Variants in CACNA1C observed in about 807,000 individuals in gnomAD.
CACNA1C encodes voltage-dependent L-type calcium channel subunit alpha-1C.
A neutral mutation model predicts 229.0 loss-of-function variants in CACNA1C; 30 were observed. That is an observed-to-expected ratio of 0.13 (90% CI 0.10 to 0.18). CACNA1C has a LOEUF of 0.18. Ranked by LOEUF, CACNA1C falls within the 10% of genes least tolerant of loss-of-function variation. CACNA1C has a pLI of 1.00. For synonymous variants in CACNA1C, 1,114 were observed against 1,132.5 expected (o/e 0.98, Z 0.33); for missense variants, 1,658 against 2,845.0 (o/e 0.58, Z 9.49).
At chr12:2,120,471 G>A (rs1450569054) in intron 3 of CACNA1C, 41 bp downstream of exon 3, 1 of 1,084,178 alleles carries the variant, frequency 9.2e-7, no homozygotes, top group Non-Finnish European at 1.4e-6. Context: ...TTCACTCGAT[G>A]GAGAACTGCG....
chr12:2,303,912 T>C (rs1287956227), intron 3 of CACNA1C, among the ~76,000 whole-genome samples: 1 of 152,186 alleles, frequency 6.6e-6, no homozygotes, highest in African/African-American at 2.4e-5. Context: ...ACAGGTCTTG[T>C]TTGACTTTGC....
chr12:2,643,996 C>T (rs1441619343), intron 30 of CACNA1C, among the ~76,000 whole-genome samples: 2 of 152,322 alleles, frequency 1.3e-5, no homozygotes, highest in South Asian at 2.1e-4. Flanking sequence ...GGAGGGGGTA[C>T]TGGCTGGATG....
intron 3 of CACNA1C, among the ~76,000 whole-genome samples, chr12:2,437,971 G>C (rs1254387207): frequency 1.3e-5 from 2 of 150,410 alleles, no homozygotes; most frequent in African/African-American, 4.9e-5. Flanking sequence ...TGGGATGGTG[G>C]TGATAATGAT....
intron 1 of CACNA1C, among the ~76,000 whole-genome samples, chr12:2,061,426 T>C (rs1308687506): frequency 6.6e-6 from 1 of 152,234 alleles, no homozygotes; most frequent in Non-Finnish European, 1.5e-5. Flanking sequence ...GTCTGGCTGA[T>C]ACCAGAATAA....
At chr12:2,557,769 C>T (rs2045248758) in intron 11 of CACNA1C, among the ~76,000 whole-genome samples, 1 of 152,226 alleles carries the variant, frequency 6.6e-6, no homozygotes, top group Non-Finnish European at 1.5e-5. Flanking sequence ...GCCTCTGTCA[C>T]AGCACTCAGC....
At chr12:2,449,177 G>C (rs2099329238) in intron 4 of CACNA1C, 62 bp downstream of exon 4, 4 of 1,309,358 alleles carry the variant, frequency 3.1e-6, no homozygotes, top group Non-Finnish European at 4.1e-6. Context: ...TTTTCCTTAA[G>C]TCAGCTGAAG....
intron 20 of CACNA1C, among the ~76,000 whole-genome samples, chr12:2,596,607 TG>T (rs1306953609): frequency 6.6e-6 from 1 of 152,218 alleles, no homozygotes; most frequent in Non-Finnish European, 1.5e-5. Flanking sequence ...GGGGCCTGCT[TG>T]GTCCAGGGCT....
Position 2,152,909 on chromosome 12 carries a change from A to G in CACNA1C, c.477+32479A>G, listed in dbSNP as rs1394063728. ...CCTACGGCCCTTTATATTGGATAAT[A>G]TTGGAACTGGATTCTCCTAGAGATT... On this transcript the variant is annotated intron_variant, in intron 3 of 46. Coordinates refer to ENST00000399655, the MANE Select transcript of CACNA1C (RefSeq NM_000719.7). This position sits in a 1 kb window ranked among gnomAD's most constrained non-coding sequence, Gnocchi z 4.2. 6.6e-6 allele frequency among the ~76,000 whole-genome samples: 1 copy of G among 152,142 alleles called. No individual in the cohort carries two copies. The highest frequency in any genetic ancestry group is 1.5e-5 in the Non-Finnish European group (1 of 68,038).
At chr12:2,359,613 G>A (rs965374415) in intron 3 of CACNA1C, among the ~76,000 whole-genome samples, 4 of 151,850 alleles carry the variant, frequency 2.6e-5, no homozygotes, top group Non-Finnish European at 4.4e-5. Context: ...ACAACTTGGG[G>A]ACTGGAGAGA....
intron 3 of CACNA1C, among the ~76,000 whole-genome samples, chr12:2,153,521 A>G (rs1209288802): frequency 6.6e-6 from 1 of 151,924 alleles, no homozygotes; most frequent in Non-Finnish European, 1.5e-5. Context: ...CTTTCTGTCT[A>G]TGAATTTGAC....
In CACNA1C at chr12:2,585,915, C is replaced by T. The variant is rs904481127; in HGVS notation, c.2530+11C>T. 1 of 1,549,208 alleles carries T rather than the reference C, an allele frequency of 6.5e-7. No individual in the cohort carries two copies. Among genetic ancestry groups the T allele is most frequent in the Non-Finnish European group, 8.8e-7 (1 of 1,136,294 alleles). On this transcript the variant is annotated intron_variant, in intron 18 of 46. Transcript: ENST00000399655. The surrounding 1 kb of genome is among the most constrained non-coding windows in gnomAD (Gnocchi z 4.1). Reference sequence around the variant, plus strand: ...ACCCAGAAACTACAGGTACCAGTCCCACTGCCTAACCTGGGATTGGGAGAT... The same window carrying T: ...ACCCAGAAACTACAGGTACCAGTCCTACTGCCTAACCTGGGATTGGGAGAT...
rs115537966 is a variant in CACNA1C, at chr12:2,021,400, C to T, written c.139+50199C>T. On this transcript the variant is annotated intron_variant, in intron 1 of 46. Transcript: ENST00000682462. ...AATTTATAAAGACACTCATTTTTGC[C>T]GGGCACTATGGCTCACACCTGTAAT... Among the ~76,000 whole-genome samples the T allele has an allele frequency of 4.5e-3, 690 of 152,028 alleles. 2 individuals carry two copies. Among genetic ancestry groups the T allele is most frequent in the African/African-American group, 0.016 (648 of 41,498 alleles).
chr12:2,633,854 T>A lies in CACNA1C; in HGVS notation c.3829-443T>A. The stretch of plus-strand genomic sequence containing the variant: ...GTTTTTACCCGCCTCCAGTCATGCC[T>A]TTTATTGAACCTGCCGTCGTCCTGT... On this transcript the variant is annotated intron_variant, in intron 29 of 46. Coordinates refer to ENST00000399655, the MANE Select transcript of CACNA1C (RefSeq NM_000719.7). This position sits in a 1 kb window ranked among gnomAD's most constrained non-coding sequence, Gnocchi z 5.8. 1 of 619,576 alleles carries A rather than the reference T, an allele frequency of 1.6e-6. No homozygotes were observed. The highest frequency in any genetic ancestry group is 2.9e-6 in the Non-Finnish European group (1 of 350,822). 38.4% of individuals were successfully genotyped at this position (619,576 alleles called of 1,614,324 possible).
At chr12:2,260,305 G>A (rs1258234992) in intron 3 of CACNA1C, among the ~76,000 whole-genome samples, 1 of 151,772 alleles carries the variant, frequency 6.6e-6, no homozygotes, top group Non-Finnish European at 1.5e-5. Flanking sequence ...GTGGGACCTT[G>A]TCTCTACAAA....
intron 9 of CACNA1C, among the ~76,000 whole-genome samples, chr12:2,526,716 G>A (rs1163980383): frequency 1.3e-5 from 2 of 152,236 alleles, no homozygotes; most frequent in Non-Finnish European, 2.9e-5. Context: ...ATGGTCTCCG[G>A]TGAAGGTAGA....
In CACNA1C at chr12:2,416,029, G is replaced by A. The variant is rs574645634; in HGVS notation, c.478-32947G>A. On this transcript the variant is annotated intron_variant, in intron 3 of 46. Coordinates refer to ENST00000399655, the MANE Select transcript of CACNA1C (RefSeq NM_000719.7). The stretch of plus-strand genomic sequence containing the variant: ...GGTTTCAGGCTTTGCTGAGGTGAGG[G>A]TGTGGGGGCGGGACCTCTTCACGTG... 2.6e-5 allele frequency among the ~76,000 whole-genome samples: 4 copies of A among 152,226 alleles called. No individual in the cohort carries two copies. In the East Asian group the frequency reaches 7.7e-4, roughly 29 times the overall value.
chr12:2,244,592 C>G (rs2072191961), intron 3 of CACNA1C, among the ~76,000 whole-genome samples: 1 of 152,214 alleles, frequency 6.6e-6, no homozygotes, highest in African/African-American at 2.4e-5. Flanking sequence ...GAAGGGAATG[C>G]AGAAGTCTGC....
chr12:2,611,314 G>A (rs1047369464), intron 28 of CACNA1C, among the ~76,000 whole-genome samples: 83 of 145,218 alleles, frequency 5.7e-4, no homozygotes, highest in African/African-American at 2.1e-3. Context: ...GGAGGAGATG[G>A]AGAACGGAGG....
intron 6 of CACNA1C, among the ~76,000 whole-genome samples, chr12:2,492,781 C>A (rs1293681937): frequency 6.6e-6 from 1 of 152,200 alleles, no homozygotes; most frequent in Non-Finnish European, 1.5e-5. Flanking sequence ...TAGAACTCTA[C>A]CACCAGAAAA....
Sources: gnomAD v4.1 joint callset for allele counts (sites outside exome capture counted in the v4.1 genomes callset) on GRCh38, gnomAD v4.1.1 for gene constraint, Gnocchi (gnomAD v3.1) non-coding constraint, MANE v1.5 for transcripts, NCBI Gene and HGNC (gene_info 2026-07-23, HGNC 2026-07-21) for gene names.